Variants in NBEA observed in about 807,000 individuals in gnomAD.
NBEA encodes lysosomal-trafficking regulator 2.
NBEA carries 44 observed loss-of-function variants against 343.4 expected under a neutral mutation model. The observed-to-expected ratio is 0.13, with a 90% CI of 0.10 to 0.16. The LOEUF is 0.16. Among genes scored for constraint, NBEA ranks in the 10% least tolerant of loss-of-function variants. NBEA has a pLI of 1.00. For missense variants in NBEA, 2,555 were observed against 3,631.3 expected, an observed-to-expected ratio of 0.70 and a Z score of 7.62; for synonymous variants, 1,175 against 1,238.7, an observed-to-expected ratio of 0.95 and a Z score of 1.08.
At chr13:34,950,189 T>C (rs2059306856) in intron 1 of NBEA, among the ~76,000 whole-genome samples, 1 of 152,182 alleles carries the variant, frequency 6.6e-6, no homozygotes, top group Non-Finnish European at 1.5e-5. Flanking sequence ...TTATAAAATT[T>C]AGCTGCATTT....
chr13:35,191,222 A>G (rs1026558325), intron 30 of NBEA, among the ~76,000 whole-genome samples: 1 of 152,120 alleles, frequency 6.6e-6, no homozygotes, highest in Non-Finnish European at 1.5e-5. Flanking sequence ...AAAGGAGCAG[A>G]AAGAAAATTT....
intron 41 of NBEA, among the ~76,000 whole-genome samples, chr13:35,534,035 A>G (rs544350316): frequency 1.3e-5 from 2 of 152,338 alleles, no homozygotes; most frequent in African/African-American, 2.4e-5. Context: ...TGTCAGGTGT[A>G]GATAGGTTAA....
intron 41 of NBEA, among the ~76,000 whole-genome samples, chr13:35,522,295 C>G (rs2077754439): frequency 6.6e-6 from 1 of 151,678 alleles, no homozygotes; most frequent in South Asian, 2.1e-4. Flanking sequence ...TGATGAAACC[C>G]TGTCTCTACT....
intron 31 of NBEA, among the ~76,000 whole-genome samples, chr13:35,201,319 T>C (rs1180683391): frequency 6.6e-6 from 1 of 152,094 alleles, no homozygotes; most frequent in Non-Finnish European, 1.5e-5. Flanking sequence ...TAATAGGTGA[T>C]TTAATGAGAT....
chr13:35,477,414 A>T (rs1439095472), intron 41 of NBEA, among the ~76,000 whole-genome samples: 1 of 152,230 alleles, frequency 6.6e-6, no homozygotes. Context: ...CAGCAGATGC[A>T]GTCTTTGCAC....
At chr13:35,661,968 A>G (rs552944380) in intron 55 of NBEA, among the ~76,000 whole-genome samples, 2 of 152,278 alleles carry the variant, frequency 1.3e-5, no homozygotes, top group African/African-American at 4.8e-5. Context: ...TAAATCAGAA[A>G]GACCACAGCT....
At chr13:34,995,808 A>G (rs1471198712) in intron 1 of NBEA, among the ~76,000 whole-genome samples, 3 of 152,246 alleles carry the variant, frequency 2.0e-5, no homozygotes, top group Non-Finnish European at 2.9e-5. Flanking sequence ...ACAGGAGCCT[A>G]GTCCAAATCA....
intron 34 of NBEA, among the ~76,000 whole-genome samples, chr13:35,289,618 C>T (rs189763000): frequency 9.9e-5 from 15 of 151,864 alleles, no homozygotes; most frequent in Admixed American, 8.6e-4. Context: ...AGGAAATATA[C>T]GTTCTTAACC....
At position 35,417,449 on chromosome 13, in the gene NBEA, T is replaced by C. The variant is rs867879806; in HGVS notation, c.6180-14820T>C. On this transcript the variant is annotated intron_variant, in intron 38 of 58. Coordinates refer to ENST00000379939, the MANE Select transcript of NBEA (RefSeq NM_001385012.1). The stretch of plus-strand genomic sequence containing the variant: ...TGCTATGTTGTGTCTTTGTTCTCAT[T>C]GGTTTCAAAGAACATCTTTGTTTCT... Among the ~76,000 whole-genome samples, 5 of 152,286 alleles carry C rather than the reference T, an allele frequency of 3.3e-5. No individual in the cohort carries two copies. The South Asian group carries it at 1.0e-3, about 32-fold the overall frequency.
chr13:35,658,024 G>A (rs1338279447), intron 55 of NBEA, among the ~76,000 whole-genome samples: 1 of 151,996 alleles, frequency 6.6e-6, no homozygotes, highest in East Asian at 1.9e-4. Context: ...ACTATCAATT[G>A]TAGCTTTGGT....
At chr13:35,035,067 A>G (rs2062388384) in intron 1 of NBEA, among the ~76,000 whole-genome samples, 1 of 150,618 alleles carries the variant, frequency 6.6e-6, no homozygotes, top group Non-Finnish European at 1.5e-5. Context: ...CTAATTTTGG[A>G]TTTGGTGTGC....
intron 10 of NBEA, among the ~76,000 whole-genome samples, chr13:35,081,370 A>G (rs930225307): frequency 2.6e-5 from 4 of 152,204 alleles, no homozygotes; most frequent in Non-Finnish European, 5.9e-5. Flanking sequence ...ATGGGCAACC[A>G]TACTCTGAAT....
chr13:35,354,925 A>G (rs1408643609), intron 38 of NBEA, among the ~76,000 whole-genome samples: 1 of 152,112 alleles, frequency 6.6e-6, no homozygotes, highest in African/African-American at 2.4e-5. Context: ...CTCACACCTA[A>G]CATATGAAAA....
At chr13:35,365,106 C>T (rs935383178) in intron 38 of NBEA, among the ~76,000 whole-genome samples, 4 of 151,620 alleles carry the variant, frequency 2.6e-5, no homozygotes, top group Non-Finnish European at 5.9e-5. Context: ...CCTCTATGAG[C>T]CAGTTCATTG....
intron 32 of NBEA, 59 bp from the exon 33 acceptor site, chr13:35,210,994 A>G (rs1044939217): frequency 6.7e-7 from 1 of 1,499,990 alleles, no homozygotes; most frequent in African/African-American, 1.4e-5. Context: ...TAATGGTGTA[A>G]TTAAAATTTT....
intron 49 of NBEA, among the ~76,000 whole-genome samples, chr13:35,639,614 C>A (rs2083846824): frequency 6.6e-6 from 1 of 152,078 alleles, no homozygotes; most frequent in African/African-American, 2.4e-5. Flanking sequence ...TAAGTAAGAG[C>A]TATACAGTGA....
chr13:35,655,904 C>A lies in NBEA; in HGVS notation c.8362+155C>A, dbSNP rs572895753. On this transcript the variant is annotated intron_variant, in intron 55 of 58. Transcript: ENST00000379939. ...ATCTGTACTGGAACGTAGCTATGTT[C>A]AAAGTGTTAAAATGATCAGTACTAT... The A allele has an allele frequency of 1.3e-4, 87 of 650,776 alleles. 1 individual carries two copies. In the South Asian group the frequency reaches 1.8e-3, roughly 13 times the overall value. The allele number at this position is 650,776 out of a possible 1,614,324, so 40.3% of individuals were successfully genotyped here. A position where few individuals can be genotyped will look rare whatever the true frequency, so the allele number is the denominator to read the frequency against.
In NBEA at chr13:35,110,909, C is replaced by A; in HGVS notation, c.1933C>A (p.His645Asn). The change falls in exon 13 of 59, where the codon CAC (histidine) becomes AAC (asparagine). Residue 645 changes from histidine to asparagine, a missense_variant. By Grantham distance (68) the His-to-Asn change is moderately conservative. This residue lies in a region of NBEA where 360 missense variants were observed against 519.1 expected (regional missense o/e 0.69). Coordinates refer to ENST00000379939, the MANE Select transcript of NBEA (RefSeq NM_001385012.1). The part of the protein sequence containing the change: ...RRVGTVLQLM[H>N]TLKYYYWVIN... The stretch of plus-strand genomic sequence containing the variant: ...AGTAGGAACAGTATTACAGCTAATG[C>A]ACACCTTAAAATATTACTACTGGGT... The A allele has an allele frequency of 6.2e-7, 1 of 1,612,300 alleles. No individual in the cohort carries two copies. Among genetic ancestry groups the A allele is most frequent in the South Asian group, 1.1e-5 (1 of 91,020 alleles).
chr13:34,980,035 G>A (rs1454962068), intron 1 of NBEA, among the ~76,000 whole-genome samples: 2 of 152,104 alleles, frequency 1.3e-5, no homozygotes, highest in Admixed American at 6.5e-5. Context: ...AGTCTTTCTT[G>A]TTCCATTGAT....
Sources: gnomAD v4.1 joint callset for allele counts (sites outside exome capture counted in the v4.1 genomes callset) on GRCh38, gnomAD v4.1.1 for gene constraint, gnomAD v4.1.1 regional missense constraint, MANE v1.5 for transcripts, NCBI Gene and HGNC (gene_info 2026-07-23, HGNC 2026-07-21) for gene names.